The following C11orf21 variants were observed in gnomAD, a reference collection of about 807,000 sequenced individuals.
C11orf21 encodes the protein chromosome 11 open reading frame 21.
In C11orf21, 19 loss-of-function variants were observed where a neutral mutation model predicts 15.2. The observed-to-expected ratio is 1.25, with a 90% CI of 0.87 to 1.84. The LOEUF is 1.84. C11orf21 is among the 40% of genes most tolerant of loss of function. C11orf21 has a pLI of 0.00. For synonymous variants in C11orf21, 62 were observed against 66.8 expected, an observed-to-expected ratio of 0.93 and a Z score of 0.35; for missense variants, 171 against 174.4, an observed-to-expected ratio of 0.98 and a Z score of 0.11.
chr11:2,295,773 T>C lies in C11orf21; in HGVS notation c.*2177A>G, dbSNP rs1442819423. 6.6e-6 allele frequency: 1 copy of C among 152,178 alleles called. No homozygotes were observed. The highest frequency in any genetic ancestry group is 1.5e-5 in the Non-Finnish European group (1 of 68,038). The allele number at this position is 152,178 out of a possible 1,614,324, so 9.4% of individuals were successfully genotyped here. Reference sequence around the variant, plus strand: ...GACTAGGTCAATATTGGTTCATCAATTGCAAAGATGTATCACAGTAATTCA... The same window carrying C: ...GACTAGGTCAATATTGGTTCATCAACTGCAAAGATGTATCACAGTAATTCA... On this transcript the variant is annotated 3_prime_UTR_variant, in exon 4 of 4. Coordinates refer to ENST00000381153, the MANE Select transcript of C11orf21 (RefSeq NM_001329958.2). This position sits in a 1 kb window ranked among gnomAD's most constrained non-coding sequence, Gnocchi z 5.4.
intron 1 of C11orf21, 97 bp from the exon 2 acceptor site, chr11:2,300,710 G>A (rs763397872): frequency 2.6e-6 from 4 of 1,550,910 alleles, no homozygotes; most frequent in South Asian, 1.2e-5. Context: ...CCAGAAGCGG[G>A]TGGTGCTCCA....
At chr11:2,299,852 ACACGCATCCATGC>A (rs1285129926) in intron 2 of C11orf21, 145 bp from the exon 3 acceptor site, 26 of 625,002 alleles carry the variant, frequency 4.2e-5, no homozygotes, top group Middle Eastern at 4.7e-4. Flanking sequence ...CCACGCCTGC[ACACGCATCCATGC>A]CTGCACATGC....
rs1431523183 is a variant in C11orf21, at chr11:2,299,493, C to T, written c.362G>A (p.Cys121Tyr). ...LEAGPSSGKL[C>Y]PRARRWQPLP... ...AGGCTGCCACCTCCTGGCCCGAGGACACAGCTTTCCAGAGGAGGGGCCTGC... is the reference window on the plus strand; with the variant it reads ...AGGCTGCCACCTCCTGGCCCGAGGATACAGCTTTCCAGAGGAGGGGCCTGC... Residue 121 changes from cysteine (C) to tyrosine (Y), a missense_variant, in exon 3 of 4, where the codon TGT becomes TAT. By Grantham distance (194) the Cys-to-Tyr change is radical. Transcript: ENST00000381153. 1.3e-6 allele frequency: 2 copies of T among 1,550,330 alleles called. No homozygotes were observed. Among genetic ancestry groups the T allele is most frequent in the African/African-American group, 2.7e-5 (2 of 73,048 alleles).
At chr11:2,298,074 G>C (rs773914919) in intron 3 of C11orf21, among the ~76,000 whole-genome samples, 153 bp from the exon 4 acceptor site, 3 of 152,156 alleles carry the variant, frequency 2.0e-5, no homozygotes, top group African/African-American at 7.2e-5. Flanking sequence ...ATCTCATTGC[G>C]GGGCAGGGCT....
upstream of C11orf21, chr11:2,302,229 C>T (rs774148917): frequency 1.1e-5 from 12 of 1,060,748 alleles, no homozygotes; most frequent in South Asian, 7.5e-5. Context: ...ACAGGCAGGT[C>T]GGGCAGGAGT....
upstream of C11orf21, chr11:2,302,775 C>T (rs754444517): frequency 1.3e-5 from 18 of 1,344,052 alleles, no homozygotes; most frequent in South Asian, 6.1e-5. Flanking sequence ...CAACCCTGCC[C>T]GCTGGGGCCG....
At chr11:2,302,251 G>A, upstream of C11orf21, 1 of 1,379,172 alleles carries the variant, frequency 7.3e-7, no homozygotes, top group Non-Finnish European at 9.4e-7. Flanking sequence ...GGTGGTGGGT[G>A]GGGGTGAGCA....
chr11:2,302,193 T>G, upstream of C11orf21: 1 of 1,388,340 alleles, frequency 7.2e-7, no homozygotes, highest in Non-Finnish European at 9.4e-7. Flanking sequence ...TGCCAGATGC[T>G]GGTCACCTGC....
chr11:2,298,313 T>C (rs576499950), intron 3 of C11orf21, among the ~76,000 whole-genome samples: 1 of 152,300 alleles, frequency 6.6e-6, no homozygotes, highest in African/African-American at 2.4e-5. Flanking sequence ...GGGATGGGCG[T>C]TCACTTCTAG....
At position 2,296,251 on chromosome 11, in the gene C11orf21, C is replaced by G. The variant is rs2133264273; in HGVS notation, c.*1699G>C. On this transcript the variant is annotated 3_prime_UTR_variant, in exon 4 of 4. Transcript: ENST00000381153. This position sits in a 1 kb window ranked among gnomAD's most constrained non-coding sequence, Gnocchi z 5.6. ...CCCCAATGGCTTCCACCTGGCCTTT[C>G]CCAGCATAGTAGCCCCCACCCTCAG... 1 of 152,326 alleles carries G rather than the reference C, an allele frequency of 6.6e-6. No individual in the cohort carries two copies. Among genetic ancestry groups the G allele is most frequent in the Middle Eastern group, 3.4e-3 (1 of 294 alleles). 9.4% of individuals were successfully genotyped at this position (152,326 alleles called of 1,614,324 possible).
chr11:2,302,988 G>A (rs1847851643), upstream of C11orf21: 1 of 1,592,432 alleles, frequency 6.3e-7, no homozygotes, highest in South Asian at 1.1e-5. Flanking sequence ...GGCTGCATCG[G>A]GAGGGGCCTC....
In C11orf21 at chr11:2,295,782, T is replaced by A. The variant is rs994366380; in HGVS notation, c.*2168A>T. 1 of 152,202 alleles carries A rather than the reference T, an allele frequency of 6.6e-6. No homozygotes were observed. Among genetic ancestry groups the A allele is most frequent in the Non-Finnish European group, 1.5e-5 (1 of 68,046 alleles). 9.4% of individuals were successfully genotyped at this position (152,202 alleles called of 1,614,324 possible). The stretch of plus-strand genomic sequence containing the variant: ...AATATTGGTTCATCAATTGCAAAGA[T>A]GTATCACAGTAATTCAAGATATGAA... On this transcript the variant is annotated 3_prime_UTR_variant, in exon 4 of 4. Transcript: ENST00000381153. This position sits in a 1 kb window ranked among gnomAD's most constrained non-coding sequence, Gnocchi z 5.4.
At chr11:2,301,067 G>A (rs1033536054) in intron 1 of C11orf21, 2 of 407,240 alleles carry the variant, frequency 4.9e-6, no homozygotes, top group Non-Finnish European at 9.0e-6. Context: ...GGGGGTCCTG[G>A]TTGTCCCTCC....
rs1438759504 is a variant in C11orf21, at chr11:2,299,705, C to T, written c.150G>A (p.Glu50=). ...GTPGWPSRDQ[E]APGSMMPPAA... ...CAGGTGGCATCATTGAGCCAGGGGC[C>T]TCCTGGTGGGTAAGGACATTGTAGA... is the stretch of plus-strand genomic sequence containing the variant. Residue 50 remains glutamate (E), a splice_region_variant and synonymous_variant, in exon 3 of 4, where the codon GAG becomes GAA. Transcript: ENST00000381153. 1 of 1,550,918 alleles carries T rather than the reference C, an allele frequency of 6.4e-7. No individual in the cohort carries two copies. The highest frequency in any genetic ancestry group is 8.7e-7 in the Non-Finnish European group (1 of 1,146,880).
chr11:2,300,954 G>A, intron 1 of C11orf21: 1 of 618,892 alleles, frequency 1.6e-6, no homozygotes, highest in South Asian at 2.0e-5. Flanking sequence ...TGACACTGTG[G>A]GTGCCAGGCA....
chr11:2,301,733 C>T, intron 1 of C11orf21, 23 bp downstream of exon 1: 1 of 1,539,330 alleles, frequency 6.5e-7, no homozygotes, highest in Non-Finnish European at 8.8e-7. Flanking sequence ...CACACTTGCT[C>T]ACTCCCAGGA....
upstream of C11orf21, among the ~76,000 whole-genome samples, chr11:2,302,520 C>A (rs1847814875): frequency 1.3e-5 from 2 of 152,188 alleles, no homozygotes; most frequent in Admixed American, 6.5e-5. Context: ...GGATCTTCTC[C>A]CCTTCCTGCC....
upstream of C11orf21, chr11:2,302,944 C>A (rs770456957): frequency 2.3e-5 from 37 of 1,613,342 alleles, no homozygotes; most frequent in Non-Finnish European, 3.1e-5. Context: ...CCGTACCAGG[C>A]TGTGCACCAA....
rs1847694320 is a variant in C11orf21, at chr11:2,300,629, G to A, written c.54-16C>T. ...GGGCACAGCGCTGGTGTGAGAAGGA[G>A]GCCATCAGGACAGGTCAAGAACCCA... On this transcript the variant is annotated splice_polypyrimidine_tract_variant and intron_variant, in intron 1 of 3. Transcript: ENST00000381153. The A allele has an allele frequency of 6.4e-7, 1 of 1,550,708 alleles. No homozygotes were observed. The highest frequency in any genetic ancestry group is 8.7e-7 in the Non-Finnish European group (1 of 1,146,840).
Sources: allele counts gnomAD v4.1 joint callset (sites outside exome capture counted in the v4.1 genomes callset), GRCh38; gene constraint gnomAD v4.1.1; non-coding constraint Gnocchi (gnomAD v3.1); transcripts MANE v1.5; gene names NCBI Gene and HGNC (gene_info 2026-07-23, HGNC 2026-07-21).